Variants in MGST2 observed in about 807,000 individuals in gnomAD.
MGST2 encodes microsomal glutathione S-transferase 2.
In MGST2, 9 loss-of-function variants were observed where a neutral mutation model predicts 16.6. That is an observed-to-expected ratio of 0.54 (90% CI 0.33 to 0.95). The LOEUF is 0.95. Ranked by LOEUF, MGST2 falls within the 40% of genes least tolerant of loss-of-function variation. The pLI, the probability that MGST2 is intolerant of heterozygous loss-of-function variation, is 0.03. For missense variants in MGST2, 159 were observed against 175.1 expected (o/e 0.91, Z 0.52); for synonymous variants, 79 against 68.0 (o/e 1.16, Z -0.79).
At chr4:139,741,152 A>G (rs1056376353), downstream of MGST2, among the ~76,000 whole-genome samples, 12 of 152,200 alleles carry the variant, frequency 7.9e-5, no homozygotes, top group Admixed American at 4.6e-4. Context: ...GACTTAGAGC[A>G]GGGAAAAACA....
intron 5 of MGST2, chr4:139,719,561 G>A (rs200383445): frequency 8.7e-6 from 14 of 1,613,532 alleles, no homozygotes; most frequent in Admixed American, 3.3e-5. Context: ...CTGGCTGAAC[G>A]CTGGCATGCC....
At chr4:139,743,342 C>T (rs552343958), downstream of MGST2, among the ~76,000 whole-genome samples, 2 of 152,208 alleles carry the variant, frequency 1.3e-5, no homozygotes, top group Non-Finnish European at 2.9e-5. Context: ...GAAAGCTTCC[C>T]GGACACTAGG....
chr4:139,679,651 T>C (rs776055811), intron 2 of MGST2, among the ~76,000 whole-genome samples: 1 of 152,188 alleles, frequency 6.6e-6, no homozygotes. Context: ...GATGATAACA[T>C]TGGTCTCTTG....
Position 139,666,085 on chromosome 4 carries a change from G to C in MGST2, c.58+8G>C. The C allele has an allele frequency of 4.3e-6, 7 of 1,609,336 alleles. No homozygotes were observed. The highest frequency in any genetic ancestry group is 5.9e-6 in the Non-Finnish European group (7 of 1,179,350). On this transcript the variant is annotated splice_region_variant and intron_variant, in intron 1 of 4. Transcript: ENST00000265498. Reference sequence around the variant, plus strand: ...TCTCGGCCTGTCAGCAAAGTAAGAGGCATGGGAAGTTCGTGTGTGTGCGCG... The same window carrying C: ...TCTCGGCCTGTCAGCAAAGTAAGAGCCATGGGAAGTTCGTGTGTGTGCGCG...
chr4:139,731,991 TC>T (rs1728745877), intron 5 of MGST2, among the ~76,000 whole-genome samples: 1 of 152,196 alleles, frequency 6.6e-6, no homozygotes, highest in African/African-American at 2.4e-5. Flanking sequence ...TCCTTCTACC[TC>T]ACTGAAGTTT....
chr4:139,690,123 C>T (rs1272873418), intron 2 of MGST2, among the ~76,000 whole-genome samples: 1 of 152,060 alleles, frequency 6.6e-6, no homozygotes, highest in African/African-American at 2.4e-5. Context: ...TCCTGAGTAG[C>T]TGGGACTACA....
At position 139,678,540 on chromosome 4, in the gene MGST2, C is replaced by T. The variant is rs745920427; in HGVS notation, c.59-3C>T. 1.2e-6 allele frequency: 2 copies of T among 1,612,170 alleles called. No individual in the cohort carries two copies. Among genetic ancestry groups the T allele is most frequent in the Non-Finnish European group, 1.7e-6 (2 of 1,178,322 alleles). On this transcript the variant is annotated splice_polypyrimidine_tract_variant and splice_region_variant and intron_variant, in intron 1 of 4. Coordinates refer to ENST00000265498, the MANE Select transcript of MGST2 (RefSeq NM_002413.5). ...TTAACGCAACATTTCCCTTTACTTG[C>T]AGGTTATTTTGCTTTGCAAGTTGGA...
Position 139,715,160 on chromosome 4 carries a change from T to A in MGST2, c.*48+10964T>A, listed in dbSNP as rs142341003. Among the ~76,000 whole-genome samples the A allele has an allele frequency of 8.5e-3, 1,301 of 152,240 alleles. 7 individuals carry two copies. The highest frequency in any genetic ancestry group is 0.027 in the Middle Eastern group (8 of 294). On this transcript the variant is annotated intron_variant, in intron 5 of 5. Transcript: ENST00000616265. The surrounding 1 kb of genome is among the most constrained non-coding windows in gnomAD (Gnocchi z 4.4). Reference sequence around the variant, plus strand: ...TTAAGGGGGAGCCTTTAACCACCTCTATCTTAGGAGAGACTCTAACTCCAC... The same window carrying A: ...TTAAGGGGGAGCCTTTAACCACCTCAATCTTAGGAGAGACTCTAACTCCAC...
At chr4:139,749,366 G>T in the MGST2 span, among the ~76,000 whole-genome samples, 1 of 152,324 alleles carries the variant, frequency 6.6e-6, no homozygotes, top group Non-Finnish European at 1.5e-5. Context: ...AGGTTTGGTG[G>T]CATTAACATA....
At chr4:139,746,124 A>C in the MGST2 span, among the ~76,000 whole-genome samples, 4 of 152,242 alleles carry the variant, frequency 2.6e-5, no homozygotes, top group African/African-American at 7.2e-5. Flanking sequence ...ATAAGCTCTC[A>C]GTTGGATTTT....
At chr4:139,673,170 G>T (rs1279491265) in intron 1 of MGST2, among the ~76,000 whole-genome samples, 1 of 152,184 alleles carries the variant, frequency 6.6e-6, no homozygotes, top group South Asian at 2.1e-4. Context: ...AGGAGATAGT[G>T]GGGGAGACAA....
Position 139,700,749 on chromosome 4 carries a change from T to A in MGST2, c.230-2706T>A, listed in dbSNP as rs539702776. On this transcript the variant is annotated intron_variant, in intron 3 of 4. Coordinates refer to ENST00000265498, the MANE Select transcript of MGST2 (RefSeq NM_002413.5). Reference sequence around the variant, plus strand: ...ATCCACTTTCTATTTGACTGGGGTATCCTTGGTGAGCTGAGGGCTTTCTCC... The same window carrying A: ...ATCCACTTTCTATTTGACTGGGGTAACCTTGGTGAGCTGAGGGCTTTCTCC... Among the ~76,000 whole-genome samples the A allele has an allele frequency of 2.0e-5, 3 of 152,362 alleles. No homozygotes were observed. The South Asian group carries it at 6.2e-4, about 32-fold the overall frequency.
intron 5 of MGST2, among the ~76,000 whole-genome samples, chr4:139,725,454 T>C (rs1377543093): frequency 6.6e-6 from 1 of 152,150 alleles, no homozygotes; most frequent in African/African-American, 2.4e-5. Flanking sequence ...ATTACAATAC[T>C]ATGTACCTTT....
At chr4:139,746,611 G>A in the MGST2 span, among the ~76,000 whole-genome samples, 2 of 152,176 alleles carry the variant, frequency 1.3e-5, no homozygotes, top group African/African-American at 4.8e-5. Flanking sequence ...CTCGCTCTGC[G>A]GGCCCCTCGT....
Position 139,735,968 on chromosome 4 carries a change from G to GC in MGST2, c.*49-4240dup. ...GTGCTCCAGCGGGCGCATTTCCCAG[G>GC]CCCCGCCACATCGTGTGTGTTAGTG... is the stretch of plus-strand genomic sequence containing the variant. On this transcript the variant is annotated intron_variant, in intron 5 of 5. Transcript: ENST00000616265. The surrounding 1 kb of genome is among the most constrained non-coding windows in gnomAD (Gnocchi z 5.8). 6.6e-6 allele frequency among the ~76,000 whole-genome samples: 1 copy of GC among 152,274 alleles called. No homozygotes were observed. Among genetic ancestry groups the GC allele is most frequent in the Middle Eastern group, 3.4e-3 (1 of 294 alleles).
At chr4:139,678,496 C>T (rs1365078879) in intron 1 of MGST2, 47 bp from the exon 2 acceptor site, 4 of 1,402,738 alleles carry the variant, frequency 2.9e-6, no homozygotes, top group Non-Finnish European at 4.0e-6. Flanking sequence ...CCACTAATGA[C>T]TAATGACGTG....
intron 1 of MGST2, among the ~76,000 whole-genome samples, chr4:139,677,584 C>A (rs1731030745): frequency 6.6e-6 from 1 of 151,980 alleles, no homozygotes; most frequent in South Asian, 2.1e-4. Context: ...TCACTGCAAC[C>A]TCTGTCTCCC....
chr4:139,692,800 A>T (rs191195340), intron 2 of MGST2, among the ~76,000 whole-genome samples: 3 of 152,318 alleles, frequency 2.0e-5, no homozygotes, highest in Non-Finnish European at 4.4e-5. Context: ...ACACATGCCT[A>T]TCAATTTATG....
At chr4:139,714,770 G>A (rs757459972) in intron 5 of MGST2, among the ~76,000 whole-genome samples, 2 of 151,020 alleles carry the variant, frequency 1.3e-5, no homozygotes, top group Non-Finnish European at 3.0e-5. Flanking sequence ...GAAATGATCA[G>A]GGAGGCCAGA....
Sources: gnomAD v4.1 joint callset for allele counts (sites outside exome capture counted in the v4.1 genomes callset) on GRCh38, gnomAD v4.1.1 for gene constraint, Gnocchi (gnomAD v3.1) non-coding constraint, MANE v1.5 for transcripts, NCBI Gene and HGNC (gene_info 2026-07-23, HGNC 2026-07-21) for gene names.